DNAH17: variants seen among roughly 807,000 people sequenced by gnomAD.
DNAH17 encodes dynein axonemal heavy chain 17, also known as axonemal beta dynein heavy chain 17.
A neutral mutation model predicts 485.6 loss-of-function variants in DNAH17; 376 were observed. The ratio of observed to expected loss-of-function variants is 0.77; its 90% CI spans 0.71 to 0.84. The LOEUF (loss-of-function observed/expected upper bound fraction) is 0.84. Ranked by LOEUF, DNAH17 falls within the 40% of genes least tolerant of loss-of-function variation. DNAH17 has a pLI of 0.00. For missense variants in DNAH17, 6,370 were observed against 5,839.3 expected (o/e 1.09, Z -2.96); for synonymous variants, 3,031 against 2,405.9 (o/e 1.26, Z -7.60).
intron 16 of DNAH17, among the ~76,000 whole-genome samples, chr17:78,544,451 G>A (rs886380836): frequency 4.6e-5 from 7 of 152,168 alleles, no homozygotes; most frequent in African/African-American, 1.4e-4. Context: ...GGTGGGAAAG[G>A]GTAGAGAGTA....
At chr17:78,456,514 C>T (rs1440107064) in intron 62 of DNAH17, among the ~76,000 whole-genome samples, 3 of 152,128 alleles carry the variant, frequency 2.0e-5, no homozygotes, top group African/African-American at 2.4e-5. Context: ...TGACAGAGCC[C>T]GGGTGAGGAC....
In DNAH17 at chr17:78,437,746, G is replaced by C; in HGVS notation, c.11928C>G (p.Thr3976=). ...CCAGAATGCCCTGGGGGATGATGTG[G>C]GTCTCGGGGCTGGGGGCAGGCTCCG... The part of the protein sequence containing the change: ...ISAEPAPSPE[T]HIIPQGILEN... The change falls in exon 74 of 81, where the codon ACC becomes ACG. Residue 3976 remains threonine, a synonymous_variant. Coordinates refer to ENST00000389840, the MANE Select transcript of DNAH17 (RefSeq NM_173628.4). The C allele has an allele frequency of 6.2e-7, 1 of 1,612,628 alleles. No individual in the cohort carries two copies. The highest frequency in any genetic ancestry group is 8.5e-7 in the Non-Finnish European group (1 of 1,179,788).
intron 20 of DNAH17, 125 bp from the exon 21 acceptor site, chr17:78,530,637 GC>G (rs2091208653): frequency 6.0e-6 from 7 of 1,168,386 alleles, no homozygotes; most frequent in Non-Finnish European, 4.8e-6. Context: ...CCACTCTGGG[GC>G]CAGGGTCAGC....
intron 72 of DNAH17, 134 bp downstream of exon 72, chr17:78,440,917 G>T: frequency 9.3e-7 from 1 of 1,078,712 alleles, no homozygotes; most frequent in Non-Finnish European, 1.3e-6. Flanking sequence ...CTTGATCATT[G>T]CCATCCTACC....
intron 16 of DNAH17, among the ~76,000 whole-genome samples, chr17:78,549,649 T>C (rs1438110256): frequency 6.6e-6 from 1 of 151,470 alleles, no homozygotes; most frequent in African/African-American, 2.4e-5. Flanking sequence ...TAAAGGGGGG[T>C]TTATGTAAGA....
chr17:78,459,922 G>A lies in DNAH17; in HGVS notation c.9515C>T (p.Thr3172Ile), dbSNP rs1439476128. The change falls in exon 60 of 81, where the codon ACC becomes ATC. Residue 3172 changes from threonine to isoleucine, a missense_variant. By Grantham distance (89) the Thr-to-Ile change is moderately conservative. Transcript: ENST00000389840. ...CTTGGGGATCTTGCCCCCAGGTGCG[G>A]TCAGAATCATGACGGCGGCGGTGAC... ...VNVTAAVMIL[T>I]APGGKIPKDK... is the part of the protein sequence containing the mutation. 6.2e-7 allele frequency: 1 copy of A among 1,614,022 alleles called. No homozygotes were observed. Among genetic ancestry groups the A allele is most frequent in the Non-Finnish European group, 8.5e-7 (1 of 1,179,906 alleles).
chr17:78,575,369 A>C (rs2092418928), intron 1 of DNAH17, among the ~76,000 whole-genome samples: 1 of 152,188 alleles, frequency 6.6e-6, no homozygotes. Context: ...AAAGATAGAG[A>C]TGAATGCTGG....
chr17:78,450,097 TC>T, intron 68 of DNAH17, 156 bp downstream of exon 68: 2 of 867,156 alleles, frequency 2.3e-6, no homozygotes, highest in Non-Finnish European at 1.8e-6. Context: ...GGCCCCTGGC[TC>T]CCCCTCTTCC....
chr17:78,525,961 G>A (rs1404290184), intron 24 of DNAH17, among the ~76,000 whole-genome samples: 1 of 152,240 alleles, frequency 6.6e-6, no homozygotes, highest in Non-Finnish European at 1.5e-5. Context: ...GCTAGAGCCT[G>A]TGAGGCGGAG....
chr17:78,465,213 G>C (rs963032297), intron 56 of DNAH17, among the ~76,000 whole-genome samples: 4 of 152,198 alleles, frequency 2.6e-5, no homozygotes, highest in Non-Finnish European at 5.9e-5. Flanking sequence ...ATTGCAGACG[G>C]AGTCTCATTC....
In DNAH17 at chr17:78,529,543, G is replaced by A. The variant is rs372653772; in HGVS notation, c.3436C>T (p.Leu1146=). ...QAATDNMFEP[L]KQTIELLKTY... ...TTGAGCAGCTCGATGGTTTGCTTCA[G>A]GGGCTCAAACATGTTGTCGGTGGCT... The change falls in exon 22 of 81, where the codon CTG becomes TTG. Residue 1146 remains leucine, a synonymous_variant. Coordinates refer to ENST00000389840, the MANE Select transcript of DNAH17 (RefSeq NM_173628.4). 21 of 1,613,830 alleles carry A rather than the reference G, an allele frequency of 1.3e-5. No homozygotes were observed. Among genetic ancestry groups the A allele is most frequent in the Admixed American group, 6.7e-5 (4 of 60,002 alleles).
intron 6 of DNAH17, 31 bp from the exon 7 acceptor site, chr17:78,570,403 G>A (rs1426270614): frequency 6.2e-7 from 1 of 1,601,468 alleles, no homozygotes; most frequent in Admixed American, 1.7e-5. Flanking sequence ...GCACACTGGA[G>A]GGGACTGGCC....
At chr17:78,432,910 C>CCCCCCGA (rs1555650523) in intron 75 of DNAH17, among the ~76,000 whole-genome samples, 1 of 123,976 alleles carries the variant, frequency 8.1e-6, no homozygotes, top group Non-Finnish European at 1.7e-5. Context: ...GTGCCCCCCC[C>CCCCCCGA]CCCCGACCCC....
At chr17:78,542,804 T>A (rs554742206) in intron 17 of DNAH17, among the ~76,000 whole-genome samples, 67 of 152,338 alleles carry the variant, frequency 4.4e-4, no homozygotes, top group Admixed American at 4.0e-3. Flanking sequence ...CAGGTAGTGA[T>A]ACACCCTGTG....
intron 37 of DNAH17, among the ~76,000 whole-genome samples, chr17:78,498,187 A>C (rs188200403): frequency 1.3e-5 from 2 of 149,916 alleles, no homozygotes; most frequent in East Asian, 3.9e-4. Context: ...AAATAAATAA[A>C]TAAATAAAGC....
rs535920362 is a variant in DNAH17, at chr17:78,505,711, G to A, written c.4804-266C>T. On this transcript the variant is annotated intron_variant, in intron 30 of 80. Coordinates refer to ENST00000389840, the MANE Select transcript of DNAH17 (RefSeq NM_173628.4). ...GATTTCTTTTTGGTGGGGCATGGTGGCTCACACCTGTAATCCCAGCACTTT... is the reference window on the plus strand; with the variant it reads ...GATTTCTTTTTGGTGGGGCATGGTGACTCACACCTGTAATCCCAGCACTTT... Among the ~76,000 whole-genome samples, 10 of 152,308 alleles carry A rather than the reference G, an allele frequency of 6.6e-5. No homozygotes were observed. In the South Asian group the frequency reaches 1.5e-3, roughly 22 times the overall value.
Position 78,486,108 on chromosome 17 carries a change from C to A in DNAH17, c.7127G>T (p.Ser2376Ile). 6.2e-7 allele frequency: 1 copy of A among 1,613,842 alleles called. No homozygotes were observed. The highest frequency in any genetic ancestry group is 8.5e-7 in the Non-Finnish European group (1 of 1,179,824). Residue 2376 changes from serine to isoleucine, a missense_variant, in exon 46 of 81, where the codon AGT becomes ATT. Physicochemically the swap from Ser to Ile is moderately radical, Grantham distance 142. Transcript: ENST00000389840. The stretch of plus-strand genomic sequence containing the variant: ...CTTGAATTCGTTGATCCACCATTTA[C>A]TGAACTCCACTCGATAATCCACAAG... ...DQLVDYRVEF[S>I]KWWINEFKTI...
chr17:78,463,294 A>G (rs578189129), intron 56 of DNAH17, among the ~76,000 whole-genome samples: 1 of 152,254 alleles, frequency 6.6e-6, no homozygotes, highest in Non-Finnish European at 1.5e-5. Context: ...CACAGGACAC[A>G]GCAGAGCTTA....
At chr17:78,428,809 G>A (rs2086572115) in intron 76 of DNAH17, 102 bp from the exon 77 acceptor site, 8 of 1,394,796 alleles carry the variant, frequency 5.7e-6, no homozygotes, top group African/African-American at 2.8e-5. Context: ...CCCACACCTT[G>A]CTGTCTGTAC....
Sources: allele counts gnomAD v4.1 joint callset (sites outside exome capture counted in the v4.1 genomes callset), GRCh38; gene constraint gnomAD v4.1.1; transcripts MANE v1.5; gene names NCBI Gene and HGNC (gene_info 2026-07-23, HGNC 2026-07-21).